YAE1: variants seen among roughly 807,000 people sequenced by gnomAD.
The protein encoded by YAE1 is protein YAE1 homolog.
YAE1 carries 22 observed loss-of-function variants against 23.0 expected under a neutral mutation model. That is an observed-to-expected ratio of 0.96 (90% CI 0.68 to 1.37). The LOEUF (loss-of-function observed/expected upper bound fraction) is 1.37. YAE1 is among the 40% of genes most tolerant of loss of function. The probability of loss-of-function intolerance (pLI) is 0.00; values close to 1 mark genes in which losing one functional copy is unlikely to be tolerated. For missense variants in YAE1, 260 were observed against 262.1 expected (o/e 0.99, Z 0.06); for synonymous variants, 101 against 97.0 (o/e 1.04, Z -0.24).
chr7:39,588,614 C>G (rs527596506), intron 2 of YAE1, among the ~76,000 whole-genome samples: 2 of 152,024 alleles, frequency 1.3e-5, no homozygotes, highest in South Asian at 4.2e-4. Flanking sequence ...ATGGAAGTTC[C>G]GTCTCAAAGG....
intron 2 of YAE1, among the ~76,000 whole-genome samples, chr7:39,601,958 AG>A (rs1030418000): frequency 3.3e-5 from 5 of 152,302 alleles, no homozygotes; most frequent in African/African-American, 7.2e-5. Context: ...GTGCCCAGCA[AG>A]TGGTTATCTA....
At chr7:39,590,534 T>G (rs150042711) in intron 2 of YAE1, among the ~76,000 whole-genome samples, 87 of 152,334 alleles carry the variant, frequency 5.7e-4, no homozygotes, top group Admixed American at 9.8e-4. Flanking sequence ...AGATGTTTTT[T>G]TAATTTAGGG....
At chr7:39,587,833 T>C (rs1416996248) in intron 2 of YAE1, among the ~76,000 whole-genome samples, 1 of 152,164 alleles carries the variant, frequency 6.6e-6, no homozygotes, top group African/African-American at 2.4e-5. Flanking sequence ...CATTACAATA[T>C]ATTCGTTATG....
At chr7:39,583,311 A>C (rs535357705) in intron 2 of YAE1, among the ~76,000 whole-genome samples, 1 of 152,258 alleles carries the variant, frequency 6.6e-6, no homozygotes, top group Admixed American at 6.5e-5. Flanking sequence ...AACAAAATAA[A>C]GTTCTTTATT....
At chr7:39,607,733 A>G (rs575421200) in intron 2 of YAE1, among the ~76,000 whole-genome samples, 1 of 152,336 alleles carries the variant, frequency 6.6e-6, no homozygotes, top group East Asian at 1.9e-4. Flanking sequence ...CAATGGCACA[A>G]TCTTGGCTCA....
chr7:39,586,418 C>CG (rs1790814563), intron 2 of YAE1, among the ~76,000 whole-genome samples: 1 of 151,078 alleles, frequency 6.6e-6, no homozygotes, highest in Admixed American at 6.6e-5. Flanking sequence ...GTGATCCGCC[C>CG]GCCTCAGCCT....
At chr7:39,571,471 A>G (rs1790564946) in intron 2 of YAE1, among the ~76,000 whole-genome samples, 2 of 152,112 alleles carry the variant, frequency 1.3e-5, no homozygotes, top group South Asian at 2.1e-4. Context: ...AGTAGATGAT[A>G]AAAGTTACCA....
intron 2 of YAE1, among the ~76,000 whole-genome samples, chr7:39,587,871 G>A (rs1420085973): frequency 6.6e-6 from 1 of 152,092 alleles, no homozygotes; most frequent in African/African-American, 2.4e-5. Flanking sequence ...TAAAAACCCT[G>A]CTTTAAAGAT....
intron 2 of YAE1, among the ~76,000 whole-genome samples, chr7:39,579,553 CAGCT>C (rs1016321665): frequency 6.6e-6 from 1 of 151,884 alleles, no homozygotes; most frequent in Non-Finnish European, 1.5e-5. Context: ...CCTGTAATCC[CAGCT>C]ACTCAGGAGG....
At chr7:39,571,580 C>T (rs2115773858) in intron 2 of YAE1, among the ~76,000 whole-genome samples, 1 of 152,266 alleles carries the variant, frequency 6.6e-6, no homozygotes, top group African/African-American at 2.4e-5. Flanking sequence ...TGTGAATATT[C>T]ACATCATCAA....
intron 1 of YAE1, chr7:39,570,144 C>A: frequency 1.3e-6 from 1 of 797,608 alleles, no homozygotes; most frequent in East Asian, 2.5e-5. Flanking sequence ...GGAGCACCCC[C>A]AAGCAACAGT....
intron 2 of YAE1, chr7:39,609,489 C>T (rs1048356682): frequency 1.5e-6 from 2 of 1,300,646 alleles, no homozygotes; most frequent in African/African-American, 3.0e-5. Flanking sequence ...GGGGTTGTAA[C>T]AGAGACAAAT....
chr7:39,571,664 CATA>C (rs764287547), intron 2 of YAE1, among the ~76,000 whole-genome samples: 5 of 152,146 alleles, frequency 3.3e-5, no homozygotes, highest in East Asian at 1.9e-4. Context: ...AAATACTTTT[CATA>C]ATAATCATTA....
chr7:39,585,422 GA>G (rs1179987426), intron 2 of YAE1, among the ~76,000 whole-genome samples: 1 of 151,982 alleles, frequency 6.6e-6, no homozygotes, highest in African/African-American at 2.4e-5. Flanking sequence ...ATATACGGAG[GA>G]AAAAACCACG....
chr7:39,575,479 C>T (rs1178778758), downstream of YAE1, among the ~76,000 whole-genome samples: 2 of 151,710 alleles, frequency 1.3e-5, no homozygotes, highest in East Asian at 3.9e-4. Flanking sequence ...TGATTCTACC[C>T]TCTTCCAACT....
At chr7:39,604,355 C>T (rs761430692) in intron 2 of YAE1, among the ~76,000 whole-genome samples, 14 of 152,178 alleles carry the variant, frequency 9.2e-5, no homozygotes, top group Non-Finnish European at 1.9e-4. Flanking sequence ...GGGATTGCTC[C>T]TATTCTGAAA....
At chr7:39,570,027 C>G in intron 1 of YAE1, 1 of 1,366,516 alleles carries the variant, frequency 7.3e-7, no homozygotes, top group Middle Eastern at 1.8e-4. Context: ...TTTTGACAAG[C>G]AGGGCACCAC....
intron 2 of YAE1, among the ~76,000 whole-genome samples, chr7:39,603,563 A>G (rs1003628073): frequency 3.9e-5 from 6 of 152,230 alleles, no homozygotes; most frequent in African/African-American, 1.4e-4. Context: ...ATTAGCCTGG[A>G]GAATGAAACC....
At chr7:39,569,208 CA>C (rs1790526294) in intron 1 of YAE1, among the ~76,000 whole-genome samples, 1 of 152,144 alleles carries the variant, frequency 6.6e-6, no homozygotes, top group Admixed American at 6.5e-5. Flanking sequence ...AATCATATTT[CA>C]AACTTACATA....
Sources: gnomAD v4.1 joint callset for allele counts (sites outside exome capture counted in the v4.1 genomes callset) on GRCh38, gnomAD v4.1.1 for gene constraint, MANE v1.5 for transcripts, NCBI Gene and HGNC (gene_info 2026-07-23, HGNC 2026-07-21) for gene names.